M6PR: variants seen among roughly 807,000 people sequenced by gnomAD.
The protein encoded by M6PR is mannose-6-phosphate receptor, cation dependent.
A neutral mutation model predicts 33.1 loss-of-function variants in M6PR; 19 were observed. That is an observed-to-expected ratio of 0.57 (90% CI 0.40 to 0.84). The LOEUF is 0.84. M6PR is among the 40% of genes least tolerant of loss of function. M6PR has a pLI of 0.00. For synonymous variants in M6PR, 111 were observed against 123.4 expected (o/e 0.90, Z 0.67); for missense variants, 295 against 336.0 (o/e 0.88, Z 0.95).
intron 1 of M6PR, among the ~76,000 whole-genome samples, chr12:8,948,198 G>C (rs1946129050): frequency 1.3e-5 from 2 of 152,102 alleles, no homozygotes; most frequent in Admixed American, 6.5e-5. Flanking sequence ...AAAAAGTTAG[G>C]ATAATAAATT....
At chr12:8,942,304 A>G in intron 6 of M6PR, 112 bp downstream of exon 6, 1 of 1,454,796 alleles carries the variant, frequency 6.9e-7, no homozygotes, top group Non-Finnish European at 9.5e-7. Context: ...TTGTGGTTTT[A>G]GCACTCAATG....
At position 8,942,439 on chromosome 12, in the gene M6PR, G is replaced by T; in HGVS notation, c.688C>A (p.Gln230Lys). 6.2e-7 allele frequency: 1 copy of T among 1,614,176 alleles called. No individual in the cohort carries two copies. Among genetic ancestry groups the T allele is most frequent in the Non-Finnish European group, 8.5e-7 (1 of 1,180,022 alleles). The change falls in exon 6 of 7, where the codon CAG (glutamine) becomes AAG (lysine). Residue 230 changes from glutamine (Q) to lysine (K), a missense_variant. Coordinates refer to ENST00000000412, the MANE Select transcript of M6PR (RefSeq NM_002355.4). Reference protein sequence around the residue: ...MEQFPHLAFWQDLGNLVADGC... With the variant: ...MEQFPHLAFWKDLGNLVADGC... ...ACTGCTACCAGGTTGCCAAGATCCT[G>T]CCAGAAGGCTAAGTGGGGAAACTGC...
chr12:8,948,837 G>A (rs1946145640), intron 1 of M6PR, among the ~76,000 whole-genome samples: 1 of 152,078 alleles, frequency 6.6e-6, no homozygotes, highest in Non-Finnish European at 1.5e-5. Context: ...TCTTCCCGCT[G>A]GCTCCTTTCT....
At chr12:8,944,060 C>G (rs113373468) in intron 3 of M6PR, 150 bp from the exon 4 acceptor site, 10 of 637,416 alleles carry the variant, frequency 1.6e-5, no homozygotes, top group African/African-American at 7.2e-5. Context: ...CCAGAAATGC[C>G]AAGCTAAACT....
At chr12:8,942,889 A>G (rs1946039968) in intron 5 of M6PR, among the ~76,000 whole-genome samples, 1 of 152,122 alleles carries the variant, frequency 6.6e-6, no homozygotes, top group South Asian at 2.1e-4. Flanking sequence ...AAGCACCTCC[A>G]AATGCAAATC....
At chr12:8,946,081 G>A in intron 2 of M6PR, 148 bp downstream of exon 2, 2 of 714,782 alleles carry the variant, frequency 2.8e-6, no homozygotes, top group Non-Finnish European at 4.5e-6. Context: ...TTCTGTGAAA[G>A]ATGAGAAAAC....
chr12:8,946,155 G>T, intron 2 of M6PR, 74 bp downstream of exon 2: 1 of 1,439,592 alleles, frequency 6.9e-7, no homozygotes, highest in Non-Finnish European at 9.5e-7. Context: ...AGCACATTAT[G>T]AAATAAAATC....
chr12:8,945,845 A>G (rs1182798301), intron 2 of M6PR, among the ~76,000 whole-genome samples: 1 of 152,234 alleles, frequency 6.6e-6, no homozygotes, highest in Admixed American at 6.5e-5. Flanking sequence ...AATGCCTGTT[A>G]GTAACCATGT....
chr12:8,947,992 G>T (rs1478000849), intron 1 of M6PR, among the ~76,000 whole-genome samples: 1 of 152,114 alleles, frequency 6.6e-6, no homozygotes, highest in Non-Finnish European at 1.5e-5. Flanking sequence ...TCACTAAAAA[G>T]AAATAGGAGA....
chr12:8,942,275 G>A (rs1000586739), intron 6 of M6PR, 141 bp downstream of exon 6: 11 of 1,141,080 alleles, frequency 9.6e-6, no homozygotes, highest in Admixed American at 4.2e-5. Context: ...TAGGGCAACT[G>A]TCTTGTTTGC....
chr12:8,948,868 T>C (rs116750771), intron 1 of M6PR, among the ~76,000 whole-genome samples: 1,719 of 152,298 alleles, frequency 0.011, 27 homozygotes, highest in African/African-American at 0.039. Flanking sequence ...TCCTTATCCC[T>C]TTTTCTCCAG....
At position 8,946,406 on chromosome 12, in the gene M6PR, C is replaced by G; in HGVS notation, c.-1-1G>C. 6.3e-7 allele frequency: 1 copy of G among 1,586,216 alleles called. No homozygotes were observed. Among genetic ancestry groups the G allele is most frequent in the Non-Finnish European group, 8.6e-7 (1 of 1,161,770 alleles). ...CCAGCAGCTGTAGAAAGGGAACATC[C>G]TTTGGGAGAGAGTGTGTGTTGGGGA... On this transcript the variant is annotated splice_acceptor_variant, in intron 1 of 6. Transcript: ENST00000000412. LOFTEE classifies it low-confidence loss of function (5UTR_SPLICE).
rs769075317 is a variant in M6PR, at chr12:8,942,430, C to T, written c.697G>A (p.Gly233Ser). ...FPHLAFWQDL[G>S]NLVADGCDFV... ...CTGTTACTTACTGCTACCAGGTTGCCAAGATCCTGCCAGAAGGCTAAGTGG... is the reference window on the plus strand; with the variant it reads ...CTGTTACTTACTGCTACCAGGTTGCTAAGATCCTGCCAGAAGGCTAAGTGG... The change falls in exon 6 of 7, where the codon GGC becomes AGC. Residue 233 changes from glycine to serine, a missense_variant. Gly to Ser is a moderately conservative substitution (Grantham distance 56). Transcript: ENST00000000412. The T allele has an allele frequency of 6.2e-7, 1 of 1,614,170 alleles. No homozygotes were observed. Among genetic ancestry groups the T allele is most frequent in the East Asian group, 2.2e-5 (1 of 44,886 alleles).
At chr12:8,945,299 G>A in intron 3 of M6PR, 119 bp downstream of exon 3, 2 of 1,020,122 alleles carry the variant, frequency 2.0e-6, no homozygotes, top group South Asian at 3.0e-5. Context: ...TCTCAGGTGT[G>A]CCGAACCACA....
chr12:8,941,619 T>C lies in M6PR; in HGVS notation c.*199A>G, dbSNP rs763043445. 1.8e-5 allele frequency: 11 copies of C among 603,304 alleles called. No individual in the cohort carries two copies. The African/African-American group carries it at 2.0e-4, about 11-fold the overall frequency. 37.4% of individuals were successfully genotyped at this position (603,304 alleles called of 1,614,324 possible). A position where few individuals can be genotyped will look rare whatever the true frequency, so the allele number is the denominator to read the frequency against. On this transcript the variant is annotated 3_prime_UTR_variant, in exon 7 of 7. Transcript: ENST00000000412. ...ATTAACTCTGACTTACAACTGTACC[T>C]CTCTAGAGAAAAAACAGAAAATAAG...
At chr12:8,947,436 A>C (rs753288543) in intron 1 of M6PR, among the ~76,000 whole-genome samples, 93 of 152,188 alleles carry the variant, frequency 6.1e-4, no homozygotes, top group Non-Finnish European at 1.0e-3. Context: ...ATCCCGGGAA[A>C]TTGTCTACCT....
chr12:8,942,570 T>G, intron 5 of M6PR, 28 bp from the exon 6 acceptor site: 1 of 1,608,502 alleles, frequency 6.2e-7, no homozygotes, highest in Non-Finnish European at 8.5e-7. Context: ...CATCTATACT[T>G]AAGAACTGGG....
intron 1 of M6PR, among the ~76,000 whole-genome samples, chr12:8,948,768 G>T (rs12582486): frequency 6.6e-6 from 1 of 152,308 alleles, no homozygotes; most frequent in East Asian, 1.9e-4. Flanking sequence ...GGCCTCTGTA[G>T]CACTCACTTC....
rs1202313477 is a variant in M6PR at position 8,941,765 on chromosome 12, G to A, written c.*53C>T. On this transcript the variant is annotated 3_prime_UTR_variant, in exon 7 of 7. Transcript: ENST00000000412. ...TTGAGACTGCTTGAGAAATCTGGCTGTGTAGCTTTGGTTTGGGGGACTGAG... is the reference window on the plus strand; with the variant it reads ...TTGAGACTGCTTGAGAAATCTGGCTATGTAGCTTTGGTTTGGGGGACTGAG... 71 of 1,607,222 alleles carry A rather than the reference G, an allele frequency of 4.4e-5. No homozygotes were observed. Among genetic ancestry groups the A allele is most frequent in the Non-Finnish European group, 4.9e-5 (58 of 1,174,208 alleles).
Sources: gnomAD v4.1 joint callset for allele counts (sites outside exome capture counted in the v4.1 genomes callset) on GRCh38, gnomAD v4.1.1 for gene constraint, MANE v1.5 for transcripts, NCBI Gene and HGNC (gene_info 2026-07-23, HGNC 2026-07-21) for gene names.